The following CFAP70 variants were observed in gnomAD, a reference collection of about 807,000 sequenced individuals.
CFAP70 encodes cilia and flagella associated protein 70, also known as cilia- and flagella-associated protein 70.
CFAP70 carries 81 observed loss-of-function variants against 137.6 expected under a neutral mutation model. That is an observed-to-expected ratio of 0.59 (90% CI 0.49 to 0.71). The LOEUF (loss-of-function observed/expected upper bound fraction) is 0.71, where lower values mean the gene tolerates loss of function less well. CFAP70 is among the 30% of genes least tolerant of loss of function. CFAP70 has a pLI of 0.00. For synonymous variants in CFAP70, 382 were observed against 423.6 expected, an observed-to-expected ratio of 0.90 and a Z score of 1.20; for missense variants, 976 against 1,226.7, an observed-to-expected ratio of 0.80 and a Z score of 3.05.
At chr10:73,274,560 T>G (rs1396481888) in exon 23 of CFAP70, 1 of 1,614,044 alleles carries the variant, frequency 6.2e-7, no homozygotes, top group Non-Finnish European at 8.5e-7. Context: ...ACTCAGAAAA[T>G]AGAGATGGCC....
intron 23 of CFAP70, 149 bp from the exon 25 acceptor site, chr10:73,273,166 A>G (rs2046441223): frequency 3.0e-6 from 2 of 666,354 alleles, no homozygotes; most frequent in African/African-American, 3.6e-5. Flanking sequence ...ACCTTAAGGG[A>G]GTTATCGCAA....
chr10:73,308,272 T>C (rs1221463553), intron 12 of CFAP70, among the ~76,000 whole-genome samples: 3 of 152,040 alleles, frequency 2.0e-5, no homozygotes, highest in African/African-American at 7.2e-5. Context: ...CAAGTGCACA[T>C]AGAACATTCT....
chr10:73,346,291 T>C (rs2053698963), intron 4 of CFAP70, among the ~76,000 whole-genome samples: 1 of 152,200 alleles, frequency 6.6e-6, no homozygotes, highest in Non-Finnish European at 1.5e-5. Context: ...TAGACATATA[T>C]GTGTATACCT....
chr10:73,310,474 T>C (rs2049816668), intron 11 of CFAP70, among the ~76,000 whole-genome samples: 1 of 152,232 alleles, frequency 6.6e-6, no homozygotes, highest in Non-Finnish European at 1.5e-5. Context: ...AGTTTTATTC[T>C]TGGAAGCTTC....
intron 7 of CFAP70, among the ~76,000 whole-genome samples, chr10:73,331,912 T>C (rs1358808324): frequency 6.6e-6 from 1 of 152,208 alleles, no homozygotes; most frequent in East Asian, 1.9e-4. Flanking sequence ...TGGTATAAAA[T>C]TGGTTATTTC....
chr10:73,317,898 T>G (rs2050531856), intron 9 of CFAP70, among the ~76,000 whole-genome samples: 1 of 150,262 alleles, frequency 6.7e-6, no homozygotes, highest in South Asian at 2.1e-4. Context: ...AATGGCTTGG[T>G]GCTATCCTTG....
chr10:73,277,107 C>A, intron 21 of CFAP70, 133 bp downstream of exon 22: 1 of 1,181,432 alleles, frequency 8.5e-7, no homozygotes. Context: ...TTCCATTGGG[C>A]TTAAAGTATG....
chr10:73,311,324 C>A (rs2049904773), intron 11 of CFAP70, among the ~76,000 whole-genome samples: 1 of 152,188 alleles, frequency 6.6e-6, no homozygotes. Flanking sequence ...CTTCTTATGG[C>A]AAACAGGTCT....
At chr10:73,335,850 A>T (rs1458873311) in intron 6 of CFAP70, among the ~76,000 whole-genome samples, 1 of 148,774 alleles carries the variant, frequency 6.7e-6, no homozygotes, top group African/African-American at 2.5e-5. Context: ...TTTTTTTTTT[A>T]AACACCTGGA....
intron 3 of CFAP70, among the ~76,000 whole-genome samples, chr10:73,349,198 T>C (rs1054830113): frequency 6.6e-5 from 10 of 152,114 alleles, no homozygotes; most frequent in African/African-American, 2.4e-4. Flanking sequence ...ATAATGCCCA[T>C]CAATTGATCT....
At chr10:73,329,023 A>C (rs1198938120) in intron 8 of CFAP70, among the ~76,000 whole-genome samples, 1 of 151,712 alleles carries the variant, frequency 6.6e-6, no homozygotes, top group Non-Finnish European at 1.5e-5. Flanking sequence ...TCATGCTGCT[A>C]TAAAGACACA....
At chr10:73,315,171 A>G (rs1324404971) in intron 9 of CFAP70, among the ~76,000 whole-genome samples, 2 of 149,220 alleles carry the variant, frequency 1.3e-5, no homozygotes, top group African/African-American at 2.5e-5. Flanking sequence ...GAGCTATGAT[A>G]GTACCACTGC....
chr10:73,279,552 A>G (rs2047094901), intron 19 of CFAP70, among the ~76,000 whole-genome samples: 1 of 148,386 alleles, frequency 6.7e-6, no homozygotes, highest in Non-Finnish European at 1.5e-5. Flanking sequence ...TAAATAAATA[A>G]ATAAATAAAT....
intron 25 of CFAP70, among the ~76,000 whole-genome samples, chr10:73,260,847 C>T (rs1193543524): frequency 6.6e-6 from 1 of 152,102 alleles, no homozygotes; most frequent in African/African-American, 2.4e-5. Context: ...ATTTTATTTA[C>T]CCATTCACTG....
At chr10:73,349,061 C>CAA (rs56392713) in intron 3 of CFAP70, among the ~76,000 whole-genome samples, 2 of 91,712 alleles carry the variant, frequency 2.2e-5, no homozygotes, top group Non-Finnish European at 2.4e-5. Context: ...AACTCCGTCT[C>CAA]AAAAAAAAAA....
chr10:73,308,081 G>A (rs1372524205), intron 12 of CFAP70, among the ~76,000 whole-genome samples: 3 of 151,958 alleles, frequency 2.0e-5, no homozygotes, highest in African/African-American at 7.3e-5. Flanking sequence ...CTTGAACCCG[G>A]GAGGCAGAGG....
intron 8 of CFAP70, among the ~76,000 whole-genome samples, chr10:73,324,735 A>C (rs2051227105): frequency 6.6e-6 from 1 of 152,250 alleles, no homozygotes; most frequent in South Asian, 2.1e-4. Flanking sequence ...AAGGAGTATC[A>C]GTGATGGAAG....
intron 5 of CFAP70, among the ~76,000 whole-genome samples, chr10:73,344,162 C>A (rs558131054): frequency 6.6e-6 from 1 of 152,152 alleles, no homozygotes; most frequent in South Asian, 2.1e-4. Flanking sequence ...CAGGGTTTCA[C>A]CATGTTGGCC....
chr10:73,274,367 AT>A, intron 23 of CFAP70, 65 bp downstream of exon 24: 1 of 1,497,542 alleles, frequency 6.7e-7, no homozygotes, highest in South Asian at 1.3e-5. Context: ...ACACAGATAG[AT>A]GTTAATGCTT....
Sources: gnomAD v4.1 joint callset for allele counts (sites outside exome capture counted in the v4.1 genomes callset) on GRCh38, gnomAD v4.1.1 for gene constraint, MANE v1.5 for transcripts, NCBI Gene and HGNC (gene_info 2026-07-23, HGNC 2026-07-21) for gene names.